The following FAM193B variants were observed in gnomAD, a reference collection of about 807,000 sequenced individuals.
The protein encoded by FAM193B is family with sequence similarity 193 member B.
In FAM193B, 27 loss-of-function variants were observed where a neutral mutation model predicts 70.7. That is an observed-to-expected ratio of 0.38 (90% CI 0.28 to 0.53). FAM193B has a LOEUF of 0.53. Ranked by LOEUF, FAM193B falls within the 20% of genes least tolerant of loss-of-function variation. The probability of loss-of-function intolerance (pLI) is 0.81; values close to 1 mark genes in which losing one functional copy is unlikely to be tolerated. For missense variants in FAM193B, 1,022 were observed against 1,072.5 expected (o/e 0.95, Z 0.66); for synonymous variants, 448 against 436.0 (o/e 1.03, Z -0.34).
At chr5:177,536,185 G>C in intron 4 of FAM193B, 173 bp downstream of exon 4, 1 of 719,566 alleles carries the variant, frequency 1.4e-6, no homozygotes, top group Non-Finnish European at 2.3e-6. Context: ...AGCGCTAGGA[G>C]TATAGGTGTG....
intron 1 of FAM193B, among the ~76,000 whole-genome samples, chr5:177,540,654 CTTCCCAG>C: frequency 6.6e-6 from 1 of 152,206 alleles, no homozygotes; most frequent in South Asian, 2.1e-4. Flanking sequence ...AAAGCAAAGT[CTTCCCAG>C]CTGATTGGCC....
chr5:177,549,664 G>A (rs1235093030), intron 1 of FAM193B, among the ~76,000 whole-genome samples: 1 of 152,252 alleles, frequency 6.6e-6, no homozygotes, highest in African/African-American at 2.4e-5. Flanking sequence ...AGCCCCTTGT[G>A]GGAAGGGACT....
Position 177,536,628 on chromosome 5 carries a change from A to G in FAM193B, c.806T>C (p.Phe269Ser). ...CAGGTGTGGGTGGGGTGGGGAGCCA[A>G]AGGAGCTGGGGTGAGACGGGATTAG... ...ASLIPSHPSS[F>S]GSPPHPHLLP... Residue 269 changes from phenylalanine to serine, a missense_variant, in exon 4 of 9, where the codon TTT becomes TCT. Transcript: ENST00000514747. 1 of 1,557,862 alleles carries G rather than the reference A, an allele frequency of 6.4e-7. No homozygotes were observed. Among genetic ancestry groups the G allele is most frequent in the South Asian group, 1.2e-5 (1 of 82,746 alleles).
chr5:177,547,005 A>T (rs1279652628), intron 1 of FAM193B, among the ~76,000 whole-genome samples: 1 of 152,206 alleles, frequency 6.6e-6, no homozygotes, highest in Admixed American at 6.5e-5. Context: ...AATTTTGGGG[A>T]CGAGACACAC....
chr5:177,526,629 T>C (rs1186794908), intron 5 of FAM193B, among the ~76,000 whole-genome samples: 1 of 152,200 alleles, frequency 6.6e-6, no homozygotes, highest in African/African-American at 2.4e-5. Flanking sequence ...AACACACACT[T>C]TCTGCTCTGT....
chr5:177,523,352 T>C, intron 7 of FAM193B: 1 of 254,162 alleles, frequency 3.9e-6, no homozygotes. Context: ...ATTGCTATTT[T>C]TTGTGTTTTG....
chr5:177,543,672 G>A (rs955146526), intron 1 of FAM193B, among the ~76,000 whole-genome samples: 1 of 152,232 alleles, frequency 6.6e-6, no homozygotes, highest in African/African-American at 2.4e-5. Flanking sequence ...TTTATAGTCA[G>A]TAATGCCACT....
rs368006729 is a variant in FAM193B, at chr5:177,554,494, GC to G, written c.-37del. On this transcript the variant is annotated 5_prime_UTR_variant, in exon 1 of 9. Transcript: ENST00000514747. ...GCGCCGCTCCCTCGCTCCACACGCC[GC>G]CGCCGCCGCCGCCGCCGCCGCCGCC... is the stretch of plus-strand genomic sequence containing the variant. 0.48 allele frequency: 336,248 copies of G among 698,544 alleles called. 97,879 individuals are homozygous for G. The highest frequency in any genetic ancestry group is 0.69 in the East Asian group (5,543 of 8,084). The allele number at this position is 698,544 out of a possible 1,614,324, so 43.3% of individuals were successfully genotyped here.
rs779966940 is a variant in FAM193B, at chr5:177,532,088, T to C, written c.1275+355A>G. On this transcript the variant is annotated intron_variant, in intron 5 of 8. Transcript: ENST00000514747. The surrounding 1 kb of genome is among the most constrained non-coding windows in gnomAD (Gnocchi z 4.9). ...GTCACACTTGGGGGACTGAGAGCCTTTTTGCTTCCACTCTGCCTTCATCAC... is the reference window on the plus strand; with the variant it reads ...GTCACACTTGGGGGACTGAGAGCCTCTTTGCTTCCACTCTGCCTTCATCAC... 7.7e-7 allele frequency: 1 copy of C among 1,303,204 alleles called. No individual in the cohort carries two copies. Among genetic ancestry groups the C allele is most frequent in the African/African-American group, 1.5e-5 (1 of 66,520 alleles). 80.7% of individuals were successfully genotyped at this position (1,303,204 alleles called of 1,614,324 possible).
At chr5:177,531,360 T>C (rs200971412) in intron 5 of FAM193B, 18 of 1,361,624 alleles carry the variant, frequency 1.3e-5, no homozygotes, top group Non-Finnish European at 2.9e-6. Flanking sequence ...TGTTGATGAA[T>C]TCCAGCAGCT....
chr5:177,537,896 A>T lies in FAM193B; in HGVS notation c.665T>A (p.Leu222His). The change falls in exon 3 of 9, where the codon CTT becomes CAT. Residue 222 changes from leucine to histidine, a missense_variant. Transcript: ENST00000514747. ...HSSGAMPGSS[L>H]GSPPTIPGEA... The stretch of plus-strand genomic sequence containing the variant: ...ACCGGGGATGGTAGGAGGACTCCCA[A>T]GAGAGCTGCCTGGCATGGCCCCACT... 6.2e-7 allele frequency: 1 copy of T among 1,607,714 alleles called. No individual in the cohort carries two copies. Among genetic ancestry groups the T allele is most frequent in the Non-Finnish European group, 8.5e-7 (1 of 1,177,096 alleles).
intron 5 of FAM193B, among the ~76,000 whole-genome samples, chr5:177,530,739 A>C (rs1221650096): frequency 1.3e-5 from 2 of 152,202 alleles, no homozygotes; most frequent in East Asian, 1.9e-4. Context: ...AACACTGTCC[A>C]TCCTGCCTCT....
intron 1 of FAM193B, among the ~76,000 whole-genome samples, chr5:177,552,726 G>A (rs1384898566): frequency 2.0e-5 from 3 of 152,218 alleles, no homozygotes; most frequent in African/African-American, 7.2e-5. Flanking sequence ...GTCTCCTACG[G>A]AAGTGTCAGC....
chr5:177,547,566 G>A (rs1213375119), intron 1 of FAM193B, among the ~76,000 whole-genome samples: 1 of 151,996 alleles, frequency 6.6e-6, no homozygotes, highest in Non-Finnish European at 1.5e-5. Context: ...TTACAGGCGT[G>A]AGCCACCGCG....
At chr5:177,549,187 C>CTTTT (rs141797022) in intron 1 of FAM193B, among the ~76,000 whole-genome samples, 6 of 92,962 alleles carry the variant, frequency 6.5e-5, no homozygotes, top group African/African-American at 1.1e-4. Context: ...ATTGTCTTTT[C>CTTTT]TTTTTTTTTT....
At chr5:177,522,205 G>A (rs1386253501) in intron 7 of FAM193B, 134 bp from the exon 8 acceptor site, 2 of 674,284 alleles carry the variant, frequency 3.0e-6, no homozygotes, top group African/African-American at 1.8e-5. Context: ...TCAGGTGCTA[G>A]GGTTTAGCAG....
At chr5:177,536,768 G>C (rs760672099) in intron 3 of FAM193B, 23 bp from the exon 4 acceptor site, 14 of 1,546,966 alleles carry the variant, frequency 9.0e-6, no homozygotes, top group Non-Finnish European at 1.2e-5. Flanking sequence ...GGAGGAGAAA[G>C]GGGTCAGAAT....
intron 1 of FAM193B, among the ~76,000 whole-genome samples, chr5:177,549,178 TTG>T (rs1561788641): frequency 1.4e-5 from 2 of 142,028 alleles, no homozygotes; most frequent in Non-Finnish European, 3.0e-5. Flanking sequence ...TAAGACTGGA[TTG>T]TCTTTTCTTT....
At chr5:177,531,507 C>A (rs374782578) in intron 5 of FAM193B, 2 of 468,712 alleles carry the variant, frequency 4.3e-6, no homozygotes, top group Non-Finnish European at 8.6e-6. Flanking sequence ...TCCGACTCGT[C>A]GGGGCAGCGG....
Sources: allele counts gnomAD v4.1 joint callset (sites outside exome capture counted in the v4.1 genomes callset), GRCh38; gene constraint gnomAD v4.1.1; non-coding constraint Gnocchi (gnomAD v3.1); transcripts MANE v1.5; gene names NCBI Gene and HGNC (gene_info 2026-07-23, HGNC 2026-07-21).